The following ZBBX variants were observed in gnomAD, a reference collection of about 807,000 sequenced individuals.
ZBBX encodes zinc finger B-box domain containing.
Under a neutral mutation model 108.5 loss-of-function variants are expected in ZBBX, and 101 were observed. The ratio of observed to expected loss-of-function variants is 0.93; its 90% CI spans 0.79 to 1.10. The LOEUF (loss-of-function observed/expected upper bound fraction) is 1.10. ZBBX is among the 50% of genes least tolerant of loss of function. ZBBX has a pLI of 0.00. For synonymous variants in ZBBX, 356 were observed against 323.4 expected, an observed-to-expected ratio of 1.10 and a Z score of -1.08; for missense variants, 1,009 against 941.4, an observed-to-expected ratio of 1.07 and a Z score of -0.94.
chr3:167,190,352 T>C, the ZBBX span, among the ~76,000 whole-genome samples: 1 of 151,770 alleles, frequency 6.6e-6, no homozygotes, highest in Admixed American at 6.6e-5. Context: ...ACATAACATT[T>C]CTCTTAGGAA....
At chr3:167,242,361 A>C (rs1031190306) in intron 21 of ZBBX, 144 bp downstream of exon 21, 1 of 663,316 alleles carries the variant, frequency 1.5e-6, no homozygotes, top group African/African-American at 1.8e-5. Context: ...AGATCAGCAA[A>C]GGACCCAAAC....
At chr3:167,310,729 C>T (rs1252598655) in intron 16 of ZBBX, among the ~76,000 whole-genome samples, 1 of 152,044 alleles carries the variant, frequency 6.6e-6, no homozygotes, top group African/African-American at 2.4e-5. Context: ...ATGGGGATTA[C>T]AATTTGAGAT....
At chr3:167,328,724 G>A (rs984827713) in intron 10 of ZBBX, among the ~76,000 whole-genome samples, 3 of 152,090 alleles carry the variant, frequency 2.0e-5, no homozygotes, top group African/African-American at 7.2e-5. Context: ...CCTTGTATTA[G>A]CTATACCCAA....
At chr3:167,199,739 A>ATGG in the ZBBX span, among the ~76,000 whole-genome samples, 1 of 152,184 alleles carries the variant, frequency 6.6e-6, no homozygotes, top group Non-Finnish European at 1.5e-5. Flanking sequence ...ATGGCTAAAT[A>ATGG]CTTATTTTTA....
chr3:167,335,483 T>C (rs1288359831), intron 9 of ZBBX, among the ~76,000 whole-genome samples: 1 of 152,008 alleles, frequency 6.6e-6, no homozygotes, highest in Non-Finnish European at 1.5e-5. Context: ...TTCAGAATCG[T>C]CAGATGCTCT....
chr3:167,279,402 CAGGAT>C (rs753278377), intron 20 of ZBBX, among the ~76,000 whole-genome samples: 5 of 152,098 alleles, frequency 3.3e-5, no homozygotes, highest in Non-Finnish European at 5.9e-5. Context: ...AGCAATGTCT[CAGGAT>C]ACAAAATCAA....
At chr3:167,249,756 G>A (rs980921911) in intron 20 of ZBBX, among the ~76,000 whole-genome samples, 2 of 152,182 alleles carry the variant, frequency 1.3e-5, no homozygotes, top group Non-Finnish European at 2.9e-5. Context: ...TCAGAAGCAG[G>A]CTGCTCTGTC....
the ZBBX span, among the ~76,000 whole-genome samples, chr3:167,219,777 A>G: frequency 1.9e-4 from 29 of 152,044 alleles, no homozygotes; most frequent in East Asian, 9.7e-4. Context: ...GAGGAAATAA[A>G]TGAAACTGGA....
At chr3:167,381,099 C>T (rs149068947), upstream of ZBBX, among the ~76,000 whole-genome samples, 26 of 152,154 alleles carry the variant, frequency 1.7e-4, no homozygotes, top group African/African-American at 5.8e-4. Flanking sequence ...GACTAACAAT[C>T]CTAACTATTA....
At chr3:167,319,982 T>G (rs1056181155) in intron 12 of ZBBX, among the ~76,000 whole-genome samples, 1 of 151,366 alleles carries the variant, frequency 6.6e-6, no homozygotes, top group Non-Finnish European at 1.5e-5. Context: ...AGAAAAAAAT[T>G]TATATGTGTG....
intron 19 of ZBBX, 155 bp from the exon 20 acceptor site, chr3:167,282,650 C>T: frequency 1.7e-6 from 1 of 589,534 alleles, no homozygotes; most frequent in Non-Finnish European, 2.9e-6. Context: ...TTCTAGCTAA[C>T]CACATTTTCT....
intron 9 of ZBBX, among the ~76,000 whole-genome samples, chr3:167,348,005 C>T (rs1237496121): frequency 6.6e-6 from 1 of 151,868 alleles, no homozygotes; most frequent in Non-Finnish European, 1.5e-5. Context: ...TCCATGTATG[C>T]TAACTTTTAG....
chr3:167,277,651 G>A (rs1424397090), intron 20 of ZBBX, among the ~76,000 whole-genome samples: 1 of 152,018 alleles, frequency 6.6e-6, no homozygotes, highest in African/African-American at 2.4e-5. Flanking sequence ...TTAATAATGG[G>A]AGACTTTAAC....
At chr3:167,329,438 G>A (rs140636624) in intron 10 of ZBBX, among the ~76,000 whole-genome samples, 2 of 152,254 alleles carry the variant, frequency 1.3e-5, no homozygotes, top group African/African-American at 4.8e-5. Flanking sequence ...TTAAATACGA[G>A]CAAAAAGTAT....
At chr3:167,250,608 C>T (rs1233458113) in intron 20 of ZBBX, among the ~76,000 whole-genome samples, 1 of 152,006 alleles carries the variant, frequency 6.6e-6, no homozygotes, top group African/African-American at 2.4e-5. Flanking sequence ...AAGATGGCTC[C>T]CCTTGTCTAG....
intron 9 of ZBBX, among the ~76,000 whole-genome samples, 183 bp downstream of exon 9, chr3:167,350,235 TAG>T (rs1007514822): frequency 4.1e-4 from 62 of 152,078 alleles, no homozygotes; most frequent in African/African-American, 1.4e-3. Flanking sequence ...AATAGTAAAA[TAG>T]AGTCTAGATT....
intron 1 of ZBBX, among the ~76,000 whole-genome samples, chr3:167,393,117 C>G (rs944332487): frequency 6.6e-6 from 1 of 151,780 alleles, no homozygotes; most frequent in African/African-American, 2.4e-5. Context: ...GCCCCTCTTT[C>G]CCTGGACAAT....
intron 15 of ZBBX, among the ~76,000 whole-genome samples, chr3:167,314,589 A>C (rs1193997526): frequency 6.6e-6 from 1 of 152,220 alleles, no homozygotes; most frequent in Non-Finnish European, 1.5e-5. Flanking sequence ...AATTTAAATA[A>C]CATTCTTTAT....
In ZBBX at chr3:167,282,406, G is replaced by C. The variant is rs1239461709; in HGVS notation, c.2086C>G (p.Arg696Gly). The C allele has an allele frequency of 1.9e-5, 31 of 1,614,070 alleles. No homozygotes were observed. Among genetic ancestry groups the C allele is most frequent in the Non-Finnish European group, 2.5e-5 (30 of 1,179,984 alleles). The change falls in exon 20 of 22, where the codon CGA (arginine) becomes GGA (glycine). Residue 696 changes from arginine (R) to glycine (G), a missense_variant. Arg to Gly is a moderately radical substitution (Grantham distance 125). Transcript: ENST00000675490. ...GATTGAGCAGCTGCACTTCTTGATC[G>C]AGGATGAGAGGATGAAAGGCAACTG... ...SSSCLSSSHP[R>G]SRSAAAQSSS...
Sources: allele counts gnomAD v4.1 joint callset (sites outside exome capture counted in the v4.1 genomes callset), GRCh38; gene constraint gnomAD v4.1.1; transcripts MANE v1.5; gene names NCBI Gene and HGNC (gene_info 2026-07-23, HGNC 2026-07-21).